Variants in RNF150 observed in about 807,000 individuals in gnomAD.
RNF150 encodes ring finger protein 150.
In RNF150, 24 loss-of-function variants were observed where a neutral mutation model predicts 39.3. The observed-to-expected ratio is 0.61, with a 90% CI of 0.44 to 0.86. The LOEUF is 0.86. RNF150 is among the 40% of genes least tolerant of loss of function. The pLI is 0.00. For missense variants in RNF150, 502 were observed against 587.8 expected (o/e 0.85, Z 1.51); for synonymous variants, 255 against 227.3 (o/e 1.12, Z -1.10).
intron 1 of RNF150, among the ~76,000 whole-genome samples, chr4:141,147,127 G>A (rs999963060): frequency 1.3e-5 from 2 of 152,272 alleles, no homozygotes; most frequent in Middle Eastern, 3.4e-3. Flanking sequence ...GCTAATCATT[G>A]TATTATTCAC....
rs796369613 is a variant in RNF150, at chr4:141,193,498, C to T, written c.-6+19296G>A. ...ACATCTTTAACAGTTATTTGTGGAG[C>T]ACTTATTATGTACCAGGCACTATTC... On this transcript the variant is annotated intron_variant, in intron 1 of 7. Coordinates refer to the RNF150 transcript ENST00000420921. 3.3e-5 allele frequency among the ~76,000 whole-genome samples: 5 copies of T among 152,176 alleles called. No homozygotes were observed. In the East Asian group the frequency reaches 9.6e-4, roughly 29 times the overall value.
rs545359578 is a variant in RNF150 at position 140,916,549 on chromosome 4, A to G, written c.988-5195T>C. Among the ~76,000 whole-genome samples the G allele has an allele frequency of 5.0e-3, 764 of 152,362 alleles. 6 individuals carry two copies. The highest frequency in any genetic ancestry group is 0.01 in the Middle Eastern group (3 of 294). On this transcript the variant is annotated intron_variant, in intron 5 of 6. Coordinates refer to ENST00000515673, the MANE Select transcript of RNF150 (RefSeq NM_020724.2). Reference sequence around the variant, plus strand: ...AAGAAATATGGGACTATGTGAAAAGACCAAATCTACGTCTAATTGGTGTAC... The same window carrying G: ...AAGAAATATGGGACTATGTGAAAAGGCCAAATCTACGTCTAATTGGTGTAC...
rs1383811926 is a variant in RNF150, at chr4:140,926,062, T to C, written c.902A>G (p.His301Arg). The part of the protein sequence containing the change: ...VRILPCRHLF[H>R]KSCVDPWLLD... ...AAGCCAGGGGTCAACACAGGACTTG[T>C]GGAAAAGATGCCTGCAATGAGAACC... The change falls in exon 5 of 7, where the codon CAC becomes CGC. Residue 301 changes from histidine (H) to arginine (R), a missense_variant. Physicochemically the swap from His to Arg is conservative, Grantham distance 29 (BLOSUM62 0). Coordinates refer to ENST00000515673, the MANE Select transcript of RNF150 (RefSeq NM_020724.2). The C allele has an allele frequency of 6.2e-7, 1 of 1,612,254 alleles. No individual in the cohort carries two copies. The highest frequency in any genetic ancestry group is 1.3e-5 in the African/African-American group (1 of 74,888).
At chr4:141,071,591 A>T (rs963227609) in intron 1 of RNF150, among the ~76,000 whole-genome samples, 2 of 152,118 alleles carry the variant, frequency 1.3e-5, no homozygotes, top group Admixed American at 6.6e-5. Flanking sequence ...TAATTAATTT[A>T]AAATATGGTA....
chr4:141,164,736 T>A (rs1326813431), intron 1 of RNF150, among the ~76,000 whole-genome samples: 1 of 152,162 alleles, frequency 6.6e-6, no homozygotes, highest in Non-Finnish European at 1.5e-5. Context: ...AATAAAATCC[T>A]TTACAGACAA....
intron 6 of RNF150, among the ~76,000 whole-genome samples, chr4:140,896,991 C>T (rs1418483055): frequency 6.6e-6 from 1 of 152,126 alleles, no homozygotes; most frequent in Non-Finnish European, 1.5e-5. Context: ...TAAAAACCTA[C>T]TTGTATTTTC....
At position 141,191,738 on chromosome 4, in the gene RNF150, T is replaced by C. The variant is rs570707258; in HGVS notation, c.-6+21056A>G. On this transcript the variant is annotated intron_variant, in intron 1 of 7. Transcript: ENST00000420921. ...ATCTATCTATCTGCACACACAATGC[T>C]CTTTGTTGTTTATAACACACATATG... Among the ~76,000 whole-genome samples, 23 of 152,340 alleles carry C rather than the reference T, an allele frequency of 1.5e-4. No homozygotes were observed. The South Asian group carries it at 2.7e-3, about 18-fold the overall frequency.
At chr4:140,887,648 C>G (rs1393983684) in intron 6 of RNF150, among the ~76,000 whole-genome samples, 1 of 151,918 alleles carries the variant, frequency 6.6e-6, no homozygotes, top group East Asian at 1.9e-4. Context: ...CACCCTGTTA[C>G]AAAATAGCAC....
At chr4:141,145,204 A>G (rs1043956756) in intron 1 of RNF150, among the ~76,000 whole-genome samples, 3 of 152,236 alleles carry the variant, frequency 2.0e-5, no homozygotes, top group Non-Finnish European at 4.4e-5. Context: ...AGTGTGTTAC[A>G]TAAGTTTTTT....
intron 1 of RNF150, among the ~76,000 whole-genome samples, chr4:141,123,174 C>G (rs1726659055): frequency 6.6e-6 from 1 of 152,192 alleles, no homozygotes; most frequent in Admixed American, 6.5e-5. Flanking sequence ...TGAACATAGT[C>G]CATCTTCCCA....
chr4:140,925,089 C>G (rs900636609), intron 5 of RNF150, among the ~76,000 whole-genome samples: 2 of 152,212 alleles, frequency 1.3e-5, no homozygotes, highest in African/African-American at 4.8e-5. Flanking sequence ...AGGCAGGTGG[C>G]AGCAAAGTGG....
rs200213420 is a variant in RNF150, at chr4:141,019,919, ATCCT to A, written c.485-52050_485-52047del. 3.3e-3 allele frequency among the ~76,000 whole-genome samples: 497 copies of A among 152,212 alleles called. 4 individuals carry two copies. The highest frequency in any genetic ancestry group is 0.011 in the African/African-American group (456 of 41,534). ...CAAAATTACCCAGTACACTCCTTGA[ATCCT>A]TCATGAAGTACAATACAAACGTCTG... is the stretch of plus-strand genomic sequence containing the variant. On this transcript the variant is annotated intron_variant, in intron 1 of 6. Transcript: ENST00000515673.
intron 1 of RNF150, among the ~76,000 whole-genome samples, chr4:141,095,370 C>T (rs954050462): frequency 1.3e-5 from 2 of 152,118 alleles, no homozygotes; most frequent in African/African-American, 2.4e-5. Context: ...GAATCAGCTG[C>T]CCACTCCTCA....
intron 1 of RNF150, among the ~76,000 whole-genome samples, chr4:141,179,908 T>C (rs1460808324): frequency 6.6e-6 from 1 of 152,190 alleles, no homozygotes; most frequent in Non-Finnish European, 1.5e-5. Context: ...TTCTCTATCC[T>C]GGGACACAAA....
At chr4:141,115,181 A>G (rs540653390) in intron 1 of RNF150, among the ~76,000 whole-genome samples, 89 of 152,338 alleles carry the variant, frequency 5.8e-4, no homozygotes, top group Non-Finnish European at 1.1e-3. Flanking sequence ...GTATTCAAAC[A>G]GGAAGAGAGG....
chr4:140,873,375 A>C, intron 6 of RNF150, among the ~76,000 whole-genome samples: 1 of 152,120 alleles, frequency 6.6e-6, no homozygotes, highest in East Asian at 1.9e-4. Context: ...CTGAAATCTC[A>C]TAGGAGGAGA....
At chr4:141,047,315 C>T (rs75900117) in intron 1 of RNF150, among the ~76,000 whole-genome samples, 3,945 of 152,214 alleles carry the variant, frequency 0.026, 75 homozygotes, top group Non-Finnish European at 0.04. Context: ...GAAGGTATTT[C>T]GACCCCTTCC....
At chr4:140,878,282 T>C (rs1729245786) in intron 6 of RNF150, among the ~76,000 whole-genome samples, 1 of 148,766 alleles carries the variant, frequency 6.7e-6, no homozygotes, top group Non-Finnish European at 1.5e-5. Flanking sequence ...GCAATTCTTG[T>C]GCCTCAGCCT....
chr4:141,012,137 C>T (rs1735096768), intron 1 of RNF150, among the ~76,000 whole-genome samples: 1 of 152,216 alleles, frequency 6.6e-6, no homozygotes, highest in Non-Finnish European at 1.5e-5. Flanking sequence ...CAAAAAGCCA[C>T]AATTCACATC....
Sources: allele counts gnomAD v4.1 joint callset (sites outside exome capture counted in the v4.1 genomes callset), GRCh38; gene constraint gnomAD v4.1.1; transcripts MANE v1.5; gene names NCBI Gene and HGNC (gene_info 2026-07-23, HGNC 2026-07-21).